Variants in BFAR observed in about 807,000 individuals in gnomAD.
BFAR encodes the protein bifunctional apoptosis regulator.
A neutral mutation model predicts 54.4 loss-of-function variants in BFAR; 52 were observed. That is an observed-to-expected ratio of 0.96 (90% confidence interval 0.77 to 1.21). The LOEUF is 1.21. BFAR is among the 50% of genes most tolerant of loss of function. The pLI, the probability that BFAR is intolerant of heterozygous loss-of-function variation, is 0.00. For synonymous variants in BFAR, 215 were observed against 204.3 expected, an observed-to-expected ratio of 1.05 and a Z score of -0.45; for missense variants, 571 against 534.0, an observed-to-expected ratio of 1.07 and a Z score of -0.68.
In BFAR at chr16:14,655,178, G is replaced by A. The variant is rs140846801; in HGVS notation, c.751G>A (p.Val251Met). Residue 251 changes from valine (V) to methionine (M), a missense_variant, in exon 5 of 8, where the codon GTG becomes ATG. Transcript: ENST00000261658. Reference sequence around the variant, plus strand: ...GCTAGAACGTGTCAAAGCATTAGGCGTGAAGCCCCCCCAGAATCTCTGGGA... The same window carrying A: ...GCTAGAACGTGTCAAAGCATTAGGCATGAAGCCCCCCCAGAATCTCTGGGA... ...MELERVKALG[V>M]KPPQNLWEYK... is the part of the protein sequence containing the mutation. 8.7e-4 allele frequency: 1,361 copies of A among 1,562,694 alleles called. 12 individuals carry two copies. The African/African-American group carries it at 0.016, about 18-fold the overall frequency.
At position 14,635,798 on chromosome 16, in the gene BFAR, A is replaced by C. The variant is rs1959414999; in HGVS notation, c.-74+2780A>C. ...TAAGATGGAGTCCCACACCCAGCTA[A>C]TTTTAATATTTTTAGTAGATACGGG... On this transcript the variant is annotated intron_variant, in intron 1 of 7. Transcript: ENST00000261658. Among the ~76,000 whole-genome samples, 4 of 151,390 alleles carry C rather than the reference A, an allele frequency of 2.6e-5. No individual in the cohort carries two copies. In the South Asian group the frequency reaches 8.4e-4, roughly 32 times the overall value.
chr16:14,634,428 A>C (rs1466704211), intron 1 of BFAR, among the ~76,000 whole-genome samples: 2 of 152,166 alleles, frequency 1.3e-5, no homozygotes, highest in Non-Finnish European at 2.9e-5. Context: ...AGTGCCACTA[A>C]GTAGGTAGCC....
In BFAR at chr16:14,649,950, T is replaced by G; in HGVS notation, c.615T>G (p.Phe205Leu). ...GGGCATCTCTTTACAGGGAAAGGTT[T>G]TTATCTGAACGAGTAAATGGAAGGT... Reference protein sequence around the residue: ...GPWASLYRERFLSERVNGRLL... With the variant: ...GPWASLYRERLLSERVNGRLL... Residue 205 changes from phenylalanine to leucine, a missense_variant, in exon 4 of 8, where the codon TTT becomes TTG. Physicochemically the swap from Phe to Leu is conservative, Grantham distance 22 (BLOSUM62 0). Coordinates refer to ENST00000261658, the MANE Select transcript of BFAR (RefSeq NM_016561.3). 1 of 1,611,504 alleles carries G rather than the reference T, an allele frequency of 6.2e-7. No individual in the cohort carries two copies. The highest frequency in any genetic ancestry group is 8.5e-7 in the Non-Finnish European group (1 of 1,178,796).
intron 1 of BFAR, 122 bp from the exon 2 acceptor site, chr16:14,644,152 G>A (rs1427312195): frequency 5.6e-5 from 34 of 611,954 alleles, no homozygotes; most frequent in Non-Finnish European, 8.3e-5. Context: ...CAGAGAGCAA[G>A]ACTGTGTCTC....
intron 7 of BFAR, among the ~76,000 whole-genome samples, chr16:14,665,702 G>C (rs757234698): frequency 2.0e-5 from 3 of 152,118 alleles, no homozygotes; most frequent in Non-Finnish European, 4.4e-5. Flanking sequence ...CGTGATGTAC[G>C]TGCTCTTACA....
intron 1 of BFAR, among the ~76,000 whole-genome samples, chr16:14,642,025 T>G (rs1959644307): frequency 4.6e-5 from 7 of 152,168 alleles, no homozygotes; most frequent in Admixed American, 3.9e-4. Flanking sequence ...GTGAGCAAGC[T>G]GAGCCTCACC....
intron 1 of BFAR, among the ~76,000 whole-genome samples, chr16:14,638,849 G>T (rs1006595412): frequency 9.9e-5 from 15 of 152,064 alleles, no homozygotes; most frequent in African/African-American, 3.4e-4. Flanking sequence ...GGAGGCTGAG[G>T]CATGAGAATT....
intron 5 of BFAR, among the ~76,000 whole-genome samples, chr16:14,657,133 T>A (rs1264108728): frequency 6.6e-6 from 1 of 152,098 alleles, no homozygotes; most frequent in Non-Finnish European, 1.5e-5. Flanking sequence ...AATGCTTCTG[T>A]AATATGTGCG....
At chr16:14,647,151 C>A (rs2151838393) in intron 2 of BFAR, among the ~76,000 whole-genome samples, 1 of 152,000 alleles carries the variant, frequency 6.6e-6, no homozygotes, top group Admixed American at 6.5e-5. Context: ...ATGGTGCGAT[C>A]TCAGCTCACT....
intron 1 of BFAR, among the ~76,000 whole-genome samples, chr16:14,634,747 G>A (rs1052573301): frequency 2.0e-5 from 3 of 152,164 alleles, no homozygotes; most frequent in African/African-American, 7.2e-5. Context: ...GAAATAGGAA[G>A]TTTAGGAAGA....
intron 1 of BFAR, among the ~76,000 whole-genome samples, chr16:14,639,426 A>C (rs1009168380): frequency 6.6e-6 from 1 of 151,748 alleles, no homozygotes; most frequent in Non-Finnish European, 1.5e-5. Context: ...TCCTGCCTCA[A>C]CCTCCTGAGT....
intron 6 of BFAR, among the ~76,000 whole-genome samples, chr16:14,663,480 C>T (rs960980562): frequency 6.6e-6 from 1 of 151,940 alleles, no homozygotes; most frequent in East Asian, 1.9e-4. Flanking sequence ...TACAGGCGCC[C>T]GCCACCACAC....
chr16:14,633,741 C>T (rs1345769195), intron 1 of BFAR, among the ~76,000 whole-genome samples: 1 of 152,228 alleles, frequency 6.6e-6, no homozygotes, highest in East Asian at 1.9e-4. Flanking sequence ...CAACCTCCGC[C>T]TCCCAGGTTC....
chr16:14,648,689 T>C (rs1205612016), intron 3 of BFAR, 97 bp downstream of exon 3: 2 of 877,190 alleles, frequency 2.3e-6, no homozygotes, highest in Admixed American at 2.3e-5. Context: ...ACTGAAATAA[T>C]TGATGATGTG....
rs907978878 is a variant in BFAR at position 14,646,630 on chromosome 16, C to T, written c.264-1758C>T. On this transcript the variant is annotated intron_variant, in intron 2 of 7. Coordinates refer to ENST00000261658, the MANE Select transcript of BFAR (RefSeq NM_016561.3). ...TCTCCTGCCTCAGCCTCCCAAGTAG[C>T]TGGGATTACAGGCATGTGCCACCAT... Among the ~76,000 whole-genome samples the T allele has an allele frequency of 8.5e-5, 13 of 152,090 alleles. No individual in the cohort carries two copies. In the East Asian group the frequency reaches 1.7e-3, roughly 20 times the overall value.
At position 14,667,945 on chromosome 16, in the gene BFAR, G is replaced by C; in HGVS notation, c.*118G>C. The C allele has an allele frequency of 9.0e-7, 1 of 1,105,750 alleles. No individual in the cohort carries two copies. The highest frequency in any genetic ancestry group is 2.3e-5 in the Admixed American group (1 of 42,842). 68.5% of individuals were successfully genotyped at this position (1,105,750 alleles called of 1,614,324 possible). On this transcript the variant is annotated 3_prime_UTR_variant, in exon 8 of 8. Transcript: ENST00000261658. ...TCTACCCTCAGTAAAACAAGGTGCT[G>C]CTTTGTATATCAAAAGCTCCAACCA...
At chr16:14,645,096 T>C (rs1959752115) in intron 2 of BFAR, among the ~76,000 whole-genome samples, 1 of 152,162 alleles carries the variant, frequency 6.6e-6, no homozygotes, top group Non-Finnish European at 1.5e-5. Flanking sequence ...GGAACATTGC[T>C]TGACACCAGG....
At chr16:14,643,664 G>A (rs749595730) in intron 1 of BFAR, 7 of 152,246 alleles carry the variant, frequency 4.6e-5, no homozygotes, top group Non-Finnish European at 7.3e-5. Context: ...CAGCTACTCA[G>A]GAGGGTGAGG....
At position 14,667,725 on chromosome 16, in the gene BFAR, T is replaced by G; in HGVS notation, c.1251T>G (p.Phe417Leu). 6.2e-7 allele frequency: 1 copy of G among 1,614,010 alleles called. No individual in the cohort carries two copies. The highest frequency in any genetic ancestry group is 8.5e-7 in the Non-Finnish European group (1 of 1,179,846). Residue 417 changes from phenylalanine to leucine, a missense_variant, in exon 8 of 8, where the codon TTT (phenylalanine) becomes TTG (leucine). Phe to Leu is a conservative substitution (Grantham distance 22). Coordinates refer to ENST00000261658, the MANE Select transcript of BFAR (RefSeq NM_016561.3). The stretch of plus-strand genomic sequence containing the variant: ...TGTTCTGGCCCCTCATCCCTCAGTT[T>G]GTTTGCAACTGTTTGTTTTACTGGG... Reference protein sequence around the residue: ...VAMFWPLIPQFVCNCLFYWAL... With the variant: ...VAMFWPLIPQLVCNCLFYWAL...
Sources: gnomAD v4.1 joint callset for allele counts (sites outside exome capture counted in the v4.1 genomes callset) on GRCh38, gnomAD v4.1.1 for gene constraint, MANE v1.5 for transcripts, NCBI Gene and HGNC (gene_info 2026-07-23, HGNC 2026-07-21) for gene names.